Variants in CCDC146 observed in about 807,000 individuals in gnomAD.
The protein encoded by CCDC146 is coiled-coil domain containing 146.
In CCDC146, 92 loss-of-function variants were observed where a neutral mutation model predicts 119.3. The observed-to-expected ratio is 0.77, with a 90% CI of 0.65 to 0.92. CCDC146 has a LOEUF of 0.92. Among genes scored for constraint, CCDC146 ranks in the 40% least tolerant of loss-of-function variants. The probability of loss-of-function intolerance (pLI) is 0.00; values close to 1 mark genes in which losing one functional copy is unlikely to be tolerated. For missense variants in CCDC146, 1,000 were observed against 1,103.0 expected, an observed-to-expected ratio of 0.91 and a Z score of 1.32; for synonymous variants, 372 against 371.8, an observed-to-expected ratio of 1.00 and a Z score of -0.01.
chr7:77,222,896 C>G (rs1792431772), intron 2 of CCDC146, among the ~76,000 whole-genome samples: 1 of 152,236 alleles, frequency 6.6e-6, no homozygotes, highest in Non-Finnish European at 1.5e-5. Flanking sequence ...TTCTGGTACC[C>G]AGGCCACTCC....
chr7:77,273,720 T>C lies in CCDC146; in HGVS notation c.1200T>C (p.Ser400=). 6.2e-7 allele frequency: 1 copy of C among 1,610,972 alleles called. No individual in the cohort carries two copies. Among genetic ancestry groups the C allele is most frequent in the Non-Finnish European group, 8.5e-7 (1 of 1,178,032 alleles). Residue 400 remains serine, a synonymous_variant, in exon 10 of 19, where the codon TCT becomes TCC. Transcript: ENST00000285871. ...TGGAAGCTATCCCCAAAGATGATTC[T>C]ACATTATCTGAGAGAAGGCGAGAGC... The part of the protein sequence containing the change: ...LEMEAIPKDD[S]TLSERRRELH...
intron 2 of CCDC146, among the ~76,000 whole-genome samples, chr7:77,212,950 A>ATT (rs5885013): frequency 0.031 from 3,468 of 111,248 alleles, 228 homozygotes; most frequent in African/African-American, 0.11. Flanking sequence ...GGTCACATTA[A>ATT]TTTTTTTTTT....
chr7:77,286,870 C>T lies in CCDC146; in HGVS notation c.2221C>T (p.Arg741Cys), dbSNP rs768291542. Residue 741 changes from arginine to cysteine, a missense_variant, in exon 16 of 19, where the codon CGC becomes TGC. This residue lies in a region of CCDC146 where 985 missense variants were observed against 1,045.3 expected (regional missense o/e 0.94). Coordinates refer to ENST00000285871, the MANE Select transcript of CCDC146 (RefSeq NM_020879.3). ...AAAGCCTGATGGTGAGAATAGAGCT[C>T]GCTTCCTTCCAGGGAAAGATCTGAC... ...FVKPDGENRA[R>C]FLPGKDLTEK... The T allele has an allele frequency of 2.4e-5, 38 of 1,613,900 alleles. No homozygotes were observed. Among genetic ancestry groups the T allele is most frequent in the East Asian group, 8.9e-5 (4 of 44,888 alleles).
intron 2 of CCDC146, among the ~76,000 whole-genome samples, chr7:77,235,051 A>T (rs1796053570): frequency 6.6e-6 from 1 of 152,162 alleles, no homozygotes; most frequent in Non-Finnish European, 1.5e-5. Context: ...TTGCATTTTG[A>T]TAGCTGCATT....
intron 10 of CCDC146, among the ~76,000 whole-genome samples, 197 bp downstream of exon 10, chr7:77,273,986 C>T (rs1793576685): frequency 2.0e-5 from 3 of 152,124 alleles, no homozygotes; most frequent in Non-Finnish European, 4.4e-5. Context: ...TATGTTTGAA[C>T]CGCAAAAAGT....
chr7:77,183,637 G>C (rs143468826), intron 2 of CCDC146, among the ~76,000 whole-genome samples: 25 of 152,224 alleles, frequency 1.6e-4, no homozygotes, highest in African/African-American at 5.1e-4. Context: ...ATCTTTCAAG[G>C]ATAGCTGAGA....
chr7:77,123,251 AG>A, intron 1 of CCDC146, among the ~76,000 whole-genome samples: 1 of 149,692 alleles, frequency 6.7e-6, no homozygotes, highest in African/African-American at 2.5e-5. Context: ...AAAAAAAAAA[AG>A]ACACAAAAAA....
chr7:77,232,392 A>C (rs971567155), intron 2 of CCDC146, among the ~76,000 whole-genome samples: 11 of 152,062 alleles, frequency 7.2e-5, no homozygotes, highest in Non-Finnish European at 1.6e-4. Flanking sequence ...TCAAGTGTGA[A>C]TTTTTTTACT....
chr7:77,170,530 A>C (rs1208462244), intron 2 of CCDC146, among the ~76,000 whole-genome samples: 1 of 152,142 alleles, frequency 6.6e-6, no homozygotes, highest in Non-Finnish European at 1.5e-5. Flanking sequence ...GCTCTGTTTT[A>C]AGTTATTTGA....
At chr7:77,256,610 G>A (rs900161248) in intron 6 of CCDC146, 101 bp downstream of exon 6, 13 of 919,974 alleles carry the variant, frequency 1.4e-5, no homozygotes, top group African/African-American at 1.7e-5. Context: ...GAGGGGTATT[G>A]TCTCACAAAC....
At chr7:77,139,427 A>G (rs1790903572) in intron 1 of CCDC146, among the ~76,000 whole-genome samples, 1 of 152,254 alleles carries the variant, frequency 6.6e-6, no homozygotes. Flanking sequence ...TCTGTATGAT[A>G]CTATAACGAT....
chr7:77,185,612 C>T (rs535022925), intron 2 of CCDC146, among the ~76,000 whole-genome samples: 126 of 152,266 alleles, frequency 8.3e-4, no homozygotes, highest in Middle Eastern at 3.4e-3. Flanking sequence ...GGAAAACCTT[C>T]CCAAGAAGGA....
At chr7:77,250,273 C>G (rs745454317) in intron 4 of CCDC146, among the ~76,000 whole-genome samples, 4 of 152,304 alleles carry the variant, frequency 2.6e-5, no homozygotes, top group Non-Finnish European at 5.9e-5. Context: ...GATTCCATAG[C>G]TAATGCTCTT....
chr7:77,238,022 A>T (rs546279564), intron 3 of CCDC146, among the ~76,000 whole-genome samples: 1 of 152,258 alleles, frequency 6.6e-6, no homozygotes, highest in East Asian at 1.9e-4. Flanking sequence ...TATCTTGCCC[A>T]GAGATATTTG....
chr7:77,270,124 T>A (rs903446499), intron 9 of CCDC146, among the ~76,000 whole-genome samples: 5 of 152,184 alleles, frequency 3.3e-5, no homozygotes, highest in Admixed American at 1.3e-4. Flanking sequence ...TAGAAAAATA[T>A]CAAAGTGTTA....
rs771705047 is a variant in CCDC146 at position 77,262,299 on chromosome 7, C to T, written c.1165C>T (p.Leu389=). The change falls in exon 9 of 19, where the codon CTA becomes TTA. Residue 389 remains leucine, a synonymous_variant. Transcript: ENST00000285871. The part of the protein sequence containing the change: ...RQTQALHQRL[L]LEMEAIPKDD... ...AACTCAAGCACTGCATCAAAGGCTT[C>T]TATTAGAGGTGAGGGCTGTAAACTA... The T allele has an allele frequency of 6.3e-7, 1 of 1,590,912 alleles. No homozygotes were observed.
At position 77,287,437 on chromosome 7, in the gene CCDC146, T is replaced by C. The variant is rs770307111; in HGVS notation, c.2278-3T>C. 3.7e-6 allele frequency: 6 copies of C among 1,613,750 alleles called. No individual in the cohort carries two copies. In the Admixed American group the frequency reaches 8.3e-5, roughly 22 times the overall value. On this transcript the variant is annotated splice_region_variant and splice_polypyrimidine_tract_variant and intron_variant, in intron 16 of 18. Transcript: ENST00000285871. ...TTCCTCTTGAACCAATTTTCAAACATAGCTGGAACTACAACTGGCCAAGAA... is the reference window on the plus strand; with the variant it reads ...TTCCTCTTGAACCAATTTTCAAACACAGCTGGAACTACAACTGGCCAAGAA...
At chr7:77,252,009 C>T (rs1793071540) in intron 4 of CCDC146, among the ~76,000 whole-genome samples, 1 of 152,004 alleles carries the variant, frequency 6.6e-6, no homozygotes, top group Admixed American at 6.5e-5. Context: ...ATTAGCTGGA[C>T]GTGGTGGCAC....
At chr7:77,206,646 T>TAC (rs1201508216) in intron 2 of CCDC146, among the ~76,000 whole-genome samples, 1 of 99,702 alleles carries the variant, frequency 1.0e-5, no homozygotes, top group African/African-American at 5.8e-5. Flanking sequence ...AAAAGAAACA[T>TAC]ACATATATAT....
Sources: allele counts gnomAD v4.1 joint callset (sites outside exome capture counted in the v4.1 genomes callset), GRCh38; gene constraint gnomAD v4.1.1; regional missense constraint gnomAD v4.1.1; transcripts MANE v1.5; gene names NCBI Gene and HGNC (gene_info 2026-07-23, HGNC 2026-07-21).